SMC1A: variants seen among roughly 807,000 people sequenced by gnomAD.
The protein encoded by SMC1A is structural maintenance of chromosomes protein 1A.
In SMC1A, 4 loss-of-function variants were observed where a neutral mutation model predicts 94.5. That is an observed-to-expected ratio of 0.04 (90% CI 0.02 to 0.10). The LOEUF is 0.10. Among genes scored for constraint, SMC1A ranks in the 10% least tolerant of loss-of-function variants. SMC1A has a pLI of 1.00. For missense variants in SMC1A, 304 were observed against 989.0 expected (o/e 0.31, Z 9.29); for synonymous variants, 345 against 347.7 (o/e 0.99, Z 0.09).
intron 16 of SMC1A, among the ~76,000 whole-genome samples, chrX:53,397,200 G>A (rs2075654582): frequency 9.0e-6 from 1 of 111,631 alleles, no homozygotes; most frequent in South Asian, 3.7e-4. Flanking sequence ...CTAGGATGAA[G>A]AGTGGTCAGC....
At chrX:53,386,282 G>A (rs1413526168) in intron 19 of SMC1A, among the ~76,000 whole-genome samples, 1 of 110,636 alleles carries the variant, frequency 9.0e-6, no homozygotes. Context: ...ATGAATAAAA[G>A]GTAAAGGGAT....
chrX:53,416,787 T>C (rs1556891365), intron 1 of SMC1A, among the ~76,000 whole-genome samples: 1 of 111,211 alleles, frequency 9.0e-6, no homozygotes, highest in Non-Finnish European at 1.9e-5. Flanking sequence ...TTAACACTAC[T>C]GAACTGCACA....
intron 19 of SMC1A, among the ~76,000 whole-genome samples, chrX:53,383,630 C>G (rs1224804099): frequency 2.7e-5 from 3 of 112,749 alleles, no homozygotes; most frequent in African/African-American, 9.7e-5. Context: ...TTGGACTCCA[C>G]TTACAGCTCC....
chrX:53,383,739 G>A (rs1030345371), intron 19 of SMC1A, among the ~76,000 whole-genome samples: 36 of 112,605 alleles, frequency 3.2e-4, no homozygotes, highest in African/African-American at 1.2e-3. Context: ...TGCAATGCAT[G>A]TCTGGGCTTG....
intron 19 of SMC1A, among the ~76,000 whole-genome samples, chrX:53,393,827 C>T (rs1556887600): frequency 9.0e-6 from 1 of 110,896 alleles, no homozygotes; most frequent in African/African-American, 3.3e-5. Flanking sequence ...ATGAAAGTGG[C>T]CTGCATTAGA....
chrX:53,384,404 C>T (rs782735359), intron 19 of SMC1A, among the ~76,000 whole-genome samples: 17 of 109,700 alleles, frequency 1.5e-4, no homozygotes, highest in Non-Finnish European at 2.5e-4. Context: ...GCTGGGACTA[C>T]GGACACGCAC....
Position 53,377,442 on chromosome X carries a change from G to C in SMC1A, c.*2661C>G, listed in dbSNP as rs1330968617. 1 of 112,251 alleles carries C rather than the reference G, an allele frequency of 8.9e-6. No individual in the cohort carries two copies. The highest frequency in any genetic ancestry group is 2.8e-4 in the East Asian group (1 of 3,577). The allele number at this position is 112,251 out of a possible 1,213,427, so 9.3% of individuals were successfully genotyped here. A position where few individuals can be genotyped will look rare whatever the true frequency, so the allele number is the denominator to read the frequency against. The stretch of plus-strand genomic sequence containing the variant: ...AGCTCCACATCCTTTGGATGTGGGG[G>C]TGCAAGCAGGGAACTGCTGCTTCTC... On this transcript the variant is annotated 3_prime_UTR_variant, in exon 25 of 25. Coordinates refer to ENST00000322213, the MANE Select transcript of SMC1A (RefSeq NM_006306.4).
chrX:53,404,121 A>C (rs2075681905), intron 13 of SMC1A, among the ~76,000 whole-genome samples: 1 of 111,563 alleles, frequency 9.0e-6, no homozygotes, highest in African/African-American at 3.3e-5. Flanking sequence ...CTGGGGACAC[A>C]GTAAACATCA....
In SMC1A at chrX:53,382,586, G is replaced by T; in HGVS notation, c.3205C>A (p.Arg1069Ser). 8.3e-7 allele frequency: 1 copy of T among 1,211,245 alleles called. No homozygotes were observed. Residue 1069 changes from arginine (R) to serine (S), a missense_variant, in exon 21 of 25, where the codon CGC (arginine) becomes AGC (serine). Physicochemically the swap from Arg to Ser is moderately radical, Grantham distance 110. This residue lies in a region of SMC1A where 17 missense variants were observed against 38.8 expected (regional missense o/e 0.44). Transcript: ENST00000322213. ...FEQIKKERFDRFNACFESVAT... is the reference protein window; with the variant it reads ...FEQIKKERFDSFNACFESVAT... Reference sequence around the variant, plus strand: ...ACAGATTCAAAACAAGCATTGAAGCGGTCAAAGCGCTCCTTCTTGATCTGT... The same window carrying T: ...ACAGATTCAAAACAAGCATTGAAGCTGTCAAAGCGCTCCTTCTTGATCTGT...
intron 12 of SMC1A, 41 bp downstream of exon 12, chrX:53,405,204 T>A (rs782472800): frequency 8.3e-7 from 1 of 1,211,937 alleles, no homozygotes. Flanking sequence ...GACCTAGGCT[T>A]AGGACTCCCA....
At chrX:53,403,937 G>A in intron 13 of SMC1A, 44 bp from the exon 14 acceptor site, 1 of 962,455 alleles carries the variant, frequency 1.0e-6, no homozygotes, top group East Asian at 3.1e-5. Flanking sequence ...CAGGCTCCTT[G>A]GAGAAAAAGC....
At chrX:53,386,278 A>C (rs1556886458) in intron 19 of SMC1A, among the ~76,000 whole-genome samples, 1 of 111,877 alleles carries the variant, frequency 8.9e-6, no homozygotes, top group Non-Finnish European at 1.9e-5. Context: ...TGCCATGAAT[A>C]AAAGGTAAAG....
At position 53,381,997 on chromosome X, in the gene SMC1A, G is replaced by A. The variant is rs782076893; in HGVS notation, c.3437+235C>T. The A allele has an allele frequency of 2.0e-3, 877 of 438,857 alleles. 1 individual carries two copies. The highest frequency in any genetic ancestry group is 2.9e-3 in the Non-Finnish European group (738 of 252,362). 36.2% of individuals were successfully genotyped at this position (438,857 alleles called of 1,213,427 possible). ...ACCTCGTGAGCAAAAGCCTGGAGGC[G>A]GAACTAAATACATGCAGAGGCCGGT... On this transcript the variant is annotated intron_variant, in intron 22 of 24. Transcript: ENST00000322213.
chrX:53,412,875 T>C (rs1556890747), intron 5 of SMC1A, 25 bp downstream of exon 5: 1 of 1,211,305 alleles, frequency 8.3e-7, no homozygotes, highest in Non-Finnish European at 1.1e-6. Context: ...TTCCCACAAG[T>C]TGCAGGCCCA....
intron 16 of SMC1A, among the ~76,000 whole-genome samples, chrX:53,397,956 C>T (rs1415482861): frequency 1.8e-5 from 2 of 109,948 alleles, no homozygotes; most frequent in Non-Finnish European, 3.8e-5. Flanking sequence ...GAGGCAGAGG[C>T]GGGCGGATCA....
At chrX:53,415,220 A>G in intron 1 of SMC1A, 51 bp from the exon 2 acceptor site, 1 of 1,038,983 alleles carries the variant, frequency 9.6e-7, no homozygotes, top group Non-Finnish European at 1.3e-6. Context: ...TGAAGAGGAG[A>G]GGAAAAGGAA....
rs1192266469 is a variant in SMC1A, at chrX:53,375,535, TCA to T, written c.*4566_*4567del. ...ATCTCTTGAGGTAGGAAAGAGGGAG[TCA>T]GAGTCCTGGCTTGGAAGAGCCTTAC... On this transcript the variant is annotated 3_prime_UTR_variant, in exon 25 of 25. Transcript: ENST00000322213. The T allele has an allele frequency of 9.1e-6, 1 of 109,387 alleles. No homozygotes were observed. The highest frequency in any genetic ancestry group is 3.3e-5 in the African/African-American group (1 of 29,917). The allele number at this position is 109,387 out of a possible 1,213,427, so 9.0% of individuals were successfully genotyped here. A position where few individuals can be genotyped will look rare whatever the true frequency, so the allele number is the denominator to read the frequency against.
chrX:53,384,955 G>C (rs1482533353), intron 19 of SMC1A, among the ~76,000 whole-genome samples: 1 of 109,148 alleles, frequency 9.2e-6, no homozygotes, highest in Non-Finnish European at 1.9e-5. Flanking sequence ...AAAAAAAAAA[G>C]AGTAATCAAC....
Position 53,394,758 on chromosome X carries a change from C to T in SMC1A, c.2973+20G>A. 1.3e-6 allele frequency: 1 copy of T among 768,469 alleles called. No individual in the cohort carries two copies. 63.3% of individuals were successfully genotyped at this position (768,469 alleles called of 1,213,427 possible). On this transcript the variant is annotated intron_variant, in intron 19 of 24. Transcript: ENST00000322213. ...CCACCCAACCCCCACCCCCACCACA[C>T]CCCTGTGGTTGATCCTCACCTTCAG... is the stretch of plus-strand genomic sequence containing the variant.
Sources: allele counts gnomAD v4.1 joint callset (sites outside exome capture counted in the v4.1 genomes callset), GRCh38; gene constraint gnomAD v4.1.1; regional missense constraint gnomAD v4.1.1; transcripts MANE v1.5; gene names NCBI Gene and HGNC (gene_info 2026-07-23, HGNC 2026-07-21).